Variants in LRRTM4 observed in about 807,000 individuals in gnomAD.
LRRTM4 encodes the protein leucine-rich repeat transmembrane neuronal protein 4.
A neutral mutation model predicts 47.6 loss-of-function variants in LRRTM4; 25 were observed. The observed-to-expected ratio is 0.53, with a 90% confidence interval of 0.38 to 0.73. The LOEUF is 0.73. Among genes scored for constraint, LRRTM4 ranks in the 30% least tolerant of loss-of-function variants. The pLI is 0.00. For missense variants in LRRTM4, 638 were observed against 713.4 expected (o/e 0.89, Z 1.20); for synonymous variants, 311 against 269.5 (o/e 1.15, Z -1.51).
At chr2:76,764,424 G>C (rs534882953) in intron 3 of LRRTM4, among the ~76,000 whole-genome samples, 2 of 152,156 alleles carry the variant, frequency 1.3e-5, no homozygotes, top group Non-Finnish European at 2.9e-5. Flanking sequence ...GTGGTCAGGA[G>C]ATCGAGACCA....
chr2:77,517,056 C>T, intron 3 of LRRTM4: 1 of 984,924 alleles, frequency 1.0e-6, no homozygotes, highest in Non-Finnish European at 1.2e-6. Flanking sequence ...AGAATTTAAC[C>T]TCTCTTCACT....
chr2:77,093,230 T>C (rs1169351505), intron 3 of LRRTM4, among the ~76,000 whole-genome samples: 1 of 148,766 alleles, frequency 6.7e-6, no homozygotes, highest in Non-Finnish European at 1.5e-5. Flanking sequence ...CTCCTGGGGC[T>C]ATCCCCAAAC....
chr2:76,973,624 T>C (rs1280740548), intron 3 of LRRTM4, among the ~76,000 whole-genome samples: 1 of 151,922 alleles, frequency 6.6e-6, no homozygotes. Flanking sequence ...AGCTCTAATA[T>C]ATACTTTTGA....
At chr2:77,066,326 A>G (rs1329450307) in intron 3 of LRRTM4, among the ~76,000 whole-genome samples, 1 of 152,222 alleles carries the variant, frequency 6.6e-6, no homozygotes, top group Admixed American at 6.5e-5. Flanking sequence ...GGATAAAACA[A>G]AAAAAGGGAC....
intron 3 of LRRTM4, among the ~76,000 whole-genome samples, chr2:77,339,958 T>G (rs1671307986): frequency 6.6e-6 from 1 of 151,974 alleles, no homozygotes; most frequent in Non-Finnish European, 1.5e-5. Flanking sequence ...AGGACAAAAC[T>G]TAAAGGCTAT....
intron 3 of LRRTM4, among the ~76,000 whole-genome samples, chr2:76,991,183 T>G (rs1437963053): frequency 6.6e-6 from 1 of 151,592 alleles, no homozygotes; most frequent in African/African-American, 2.4e-5. Flanking sequence ...GATGCCTACA[T>G]CAAGAAGTTA....
intron 3 of LRRTM4, among the ~76,000 whole-genome samples, chr2:76,901,670 T>A (rs1673638977): frequency 6.6e-6 from 1 of 152,128 alleles, no homozygotes; most frequent in Admixed American, 6.6e-5. Context: ...CATGTTACTG[T>A]CTGTAGATAT....
chr2:76,980,101 T>A (rs1676554677), intron 3 of LRRTM4, among the ~76,000 whole-genome samples: 1 of 152,074 alleles, frequency 6.6e-6, no homozygotes, highest in Admixed American at 6.6e-5. Flanking sequence ...AAAATTATAA[T>A]ACATAAACTA....
chr2:77,264,637 C>T (rs1348963584), intron 3 of LRRTM4, among the ~76,000 whole-genome samples: 1 of 152,052 alleles, frequency 6.6e-6, no homozygotes, highest in African/African-American at 2.4e-5. Flanking sequence ...CTGGGAAAAG[C>T]ATTTTATTTT....
intron 3 of LRRTM4, among the ~76,000 whole-genome samples, chr2:77,331,743 A>C (rs1670978201): frequency 6.6e-6 from 1 of 152,120 alleles, no homozygotes; most frequent in South Asian, 2.1e-4. Context: ...CTTTTATTGC[A>C]TCTCATGATT....
chr2:77,498,679 TTAC>T (rs1445127831), intron 3 of LRRTM4, among the ~76,000 whole-genome samples: 1 of 151,814 alleles, frequency 6.6e-6, no homozygotes, highest in Non-Finnish European at 1.5e-5. Context: ...ATGTACTTAC[TTAC>T]TCCTAACATT....
At chr2:77,253,951 C>A (rs1174323609) in intron 3 of LRRTM4, among the ~76,000 whole-genome samples, 2 of 150,424 alleles carry the variant, frequency 1.3e-5, no homozygotes, top group East Asian at 1.9e-4. Context: ...GTTAAAGAAA[C>A]AGTCTGAAAA....
intron 3 of LRRTM4, among the ~76,000 whole-genome samples, chr2:77,260,849 T>G (rs1299272846): frequency 1.3e-5 from 2 of 152,116 alleles, no homozygotes; most frequent in Admixed American, 1.3e-4. Flanking sequence ...TATGTGAATG[T>G]ATGACGCTAG....
At chr2:76,812,367 A>G (rs1224985171) in intron 3 of LRRTM4, among the ~76,000 whole-genome samples, 2 of 152,206 alleles carry the variant, frequency 1.3e-5, no homozygotes, top group Admixed American at 6.5e-5. Context: ...CCACTAACCA[A>G]TGAAATGCTC....
chr2:76,958,298 T>C (rs894505315), intron 3 of LRRTM4, among the ~76,000 whole-genome samples: 23 of 151,890 alleles, frequency 1.5e-4, no homozygotes, highest in African/African-American at 5.3e-4. Flanking sequence ...AAACTCTTGA[T>C]TGCTGAAAGT....
At chr2:76,988,459 T>C (rs984005029) in intron 3 of LRRTM4, among the ~76,000 whole-genome samples, 3 of 151,812 alleles carry the variant, frequency 2.0e-5, no homozygotes, top group African/African-American at 7.3e-5. Flanking sequence ...GCCATGGTGA[T>C]GGAATGTTCC....
At chr2:77,426,280 C>T (rs188590863) in intron 3 of LRRTM4, among the ~76,000 whole-genome samples, 26 of 152,252 alleles carry the variant, frequency 1.7e-4, no homozygotes, top group South Asian at 4.1e-4. Flanking sequence ...TGTGATTTAA[C>T]CTTTTCCCTT....
intron 3 of LRRTM4, among the ~76,000 whole-genome samples, chr2:76,836,322 T>A (rs1671511559): frequency 1.3e-5 from 2 of 152,052 alleles, no homozygotes; most frequent in Non-Finnish European, 2.9e-5. Flanking sequence ...AAGTTTTTTT[T>A]AAGCTTGAGA....
intron 2 of LRRTM4, 109 bp downstream of exon 2, chr2:77,521,556 GGCT>G: frequency 1.6e-6 from 2 of 1,235,684 alleles, no homozygotes; most frequent in Non-Finnish European, 2.3e-6. Context: ...CAAACTCAAA[GGCT>G]GCTGCTCTTT....
Sources: gnomAD v4.1 joint callset for allele counts (sites outside exome capture counted in the v4.1 genomes callset) on GRCh38, gnomAD v4.1.1 for gene constraint, MANE v1.5 for transcripts, NCBI Gene and HGNC (gene_info 2026-07-23, HGNC 2026-07-21) for gene names.